Variants in DPF1 observed in about 807,000 individuals in gnomAD.
The protein encoded by DPF1 is zinc finger protein neuro-d4.
DPF1 carries 14 observed loss-of-function variants against 58.7 expected under a neutral mutation model. That is an observed-to-expected ratio of 0.24 (90% confidence interval 0.16 to 0.37). The LOEUF (loss-of-function observed/expected upper bound fraction) is 0.37, where lower values mean the gene tolerates loss of function less well. Among genes scored for constraint, DPF1 ranks in the 10% least tolerant of loss-of-function variants. The pLI, the probability that DPF1 is intolerant of heterozygous loss-of-function variation, is 1.00. For synonymous variants in DPF1, 216 were observed against 216.0 expected, an observed-to-expected ratio of 1.00 and a Z score of 0.00; for missense variants, 345 against 529.9, an observed-to-expected ratio of 0.65 and a Z score of 3.43.
rs915530260 is a variant in DPF1 at position 38,229,466 on chromosome 19, C to G, written c.-132+93G>C. On this transcript the variant is annotated intron_variant, in intron 1 of 11. Coordinates refer to the DPF1 transcript ENST00000412732. This position sits in a 1 kb window ranked among gnomAD's most constrained non-coding sequence, Gnocchi z 5.3. Reference sequence around the variant, plus strand: ...GGCCCCCATTCAACTACGGTCCGCGCGCTGCGTCCCCCTCCTCAGCCCCAG... The same window carrying G: ...GGCCCCCATTCAACTACGGTCCGCGGGCTGCGTCCCCCTCCTCAGCCCCAG... The G allele has an allele frequency of 1.5e-6, 1 of 669,826 alleles. No homozygotes were observed. Among genetic ancestry groups the G allele is most frequent in the Non-Finnish European group, 1.9e-6 (1 of 530,272 alleles). 41.5% of individuals were successfully genotyped at this position (669,826 alleles called of 1,614,324 possible).
chr19:38,227,663 A>T, upstream of DPF1, among the ~76,000 whole-genome samples: 1 of 152,220 alleles, frequency 6.6e-6, no homozygotes, highest in East Asian at 1.9e-4. Flanking sequence ...CTTTACAAAG[A>T]TGGCCTTAGC....
chr19:38,216,110 C>G, intron 9 of DPF1, 30 bp downstream of exon 9: 1 of 1,590,526 alleles, frequency 6.3e-7, no homozygotes, highest in Non-Finnish European at 8.6e-7. Context: ...CTGCACCCGG[C>G]CCCCAGAAAC....
In DPF1 at chr19:38,212,138, G is replaced by A. The variant is rs758789518; in HGVS notation, c.1094-5C>T. 12 of 1,607,374 alleles carry A rather than the reference G, an allele frequency of 7.5e-6. No individual in the cohort carries two copies. Among genetic ancestry groups the A allele is most frequent in the East Asian group, 4.5e-5 (2 of 44,654 alleles). On this transcript the variant is annotated splice_region_variant and splice_polypyrimidine_tract_variant and intron_variant, in intron 11 of 11. Coordinates refer to ENST00000355526, the MANE Select transcript of DPF1 (RefSeq NM_001135155.3). Reference sequence around the variant, plus strand: ...AGAGGTGACAGCTCCAGCTCCCTGCGGGGGCAGCCGAAGCTGAAGTCAGGC... The same window carrying A: ...AGAGGTGACAGCTCCAGCTCCCTGCAGGGGCAGCCGAAGCTGAAGTCAGGC...
chr19:38,226,314 A>C, upstream of DPF1, among the ~76,000 whole-genome samples: 1 of 99,040 alleles, frequency 1.0e-5, no homozygotes, highest in Non-Finnish European at 2.0e-5. Context: ...CCCCTCTTCC[A>C]CCCGGACCCC....
At chr19:38,226,756 C>A (rs537194020), upstream of DPF1, among the ~76,000 whole-genome samples, 1 of 151,830 alleles carries the variant, frequency 6.6e-6, no homozygotes, top group South Asian at 2.1e-4. Context: ...TGAGCTGTGA[C>A]CCCACCTTCC....
upstream of DPF1, among the ~76,000 whole-genome samples, chr19:38,227,190 C>T (rs1255069979): frequency 6.6e-6 from 1 of 151,742 alleles, no homozygotes; most frequent in African/African-American, 2.4e-5. Flanking sequence ...GCGATCCTCC[C>T]ACCTCAAACC....
In DPF1 at chr19:38,211,633, C is replaced by G. The variant is rs1255823103; in HGVS notation, c.*430G>C. 6.5e-6 allele frequency: 1 copy of G among 153,088 alleles called. No individual in the cohort carries two copies. Among genetic ancestry groups the G allele is most frequent in the Non-Finnish European group, 1.4e-5 (1 of 69,004 alleles). The allele number at this position is 153,088 out of a possible 1,614,324, so 9.5% of individuals were successfully genotyped here. ...GAGGCGGGTGCCCGGTGGACACTCTCAGCAGCGCCCCTCCACCCAGCCAGG... is the reference window on the plus strand; with the variant it reads ...GAGGCGGGTGCCCGGTGGACACTCTGAGCAGCGCCCCTCCACCCAGCCAGG... On this transcript the variant is annotated 3_prime_UTR_variant, in exon 12 of 12. Coordinates refer to ENST00000355526, the MANE Select transcript of DPF1 (RefSeq NM_001135155.3). The surrounding 1 kb of genome is among the most constrained non-coding windows in gnomAD (Gnocchi z 4.0).
chr19:38,216,972 T>C (rs1016854554), intron 7 of DPF1, among the ~76,000 whole-genome samples: 8 of 152,180 alleles, frequency 5.3e-5, no homozygotes, highest in Non-Finnish European at 8.8e-5. Flanking sequence ...GGGTGTGTAG[T>C]GGCCAGGGGT....
At chr19:38,226,854 C>T (rs1173523874), upstream of DPF1, among the ~76,000 whole-genome samples, 2 of 152,158 alleles carry the variant, frequency 1.3e-5, no homozygotes, top group African/African-American at 2.4e-5. Flanking sequence ...CGCAGACTCA[C>T]TCCTGCCCCA....
At chr19:38,213,520 T>G in intron 10 of DPF1, 124 bp downstream of exon 10, 1 of 791,538 alleles carries the variant, frequency 1.3e-6, no homozygotes, top group Non-Finnish European at 2.1e-6. Flanking sequence ...ACCGGCATAA[T>G]GATAACACAG....
intron 9 of DPF1, among the ~76,000 whole-genome samples, chr19:38,214,157 C>G (rs1048606401): frequency 1.3e-5 from 2 of 152,200 alleles, no homozygotes; most frequent in Non-Finnish European, 2.9e-5. Context: ...ACGTGGCAAC[C>G]ACACTCTCCC....
chr19:38,229,521 G>A lies in DPF1; in HGVS notation c.-132+38C>T. The A allele has an allele frequency of 2.7e-6, 3 of 1,127,824 alleles. No individual in the cohort carries two copies. Among genetic ancestry groups the A allele is most frequent in the Non-Finnish European group, 3.3e-6 (3 of 910,554 alleles). The allele number at this position is 1,127,824 out of a possible 1,614,324, so 69.9% of individuals were successfully genotyped here. On this transcript the variant is annotated intron_variant, in intron 1 of 11. Coordinates refer to the DPF1 transcript ENST00000412732. This position sits in a 1 kb window ranked among gnomAD's most constrained non-coding sequence, Gnocchi z 5.3. ...GGCGGGGGAAGGGCTCCTGGTGGGG[G>A]GGTCTGGACAGGGGGCGGGGACGGC...
intron 3 of DPF1, among the ~76,000 whole-genome samples, chr19:38,220,197 A>G (rs906472961): frequency 6.6e-6 from 1 of 150,554 alleles, no homozygotes; most frequent in African/African-American, 2.4e-5. Flanking sequence ...GAAGGAAGGA[A>G]GGAGGGAAAG....
rs1973459899 is a variant in DPF1 at position 38,211,993 on chromosome 19, G to T, written c.*70C>A. On this transcript the variant is annotated 3_prime_UTR_variant, in exon 12 of 12. Coordinates refer to ENST00000355526, the MANE Select transcript of DPF1 (RefSeq NM_001135155.3). This position sits in a 1 kb window ranked among gnomAD's most constrained non-coding sequence, Gnocchi z 4.0. ...TCCCCCTGCGGGATGTTCAGGGTGG[G>T]GGAGAATTGAGGAGCTCGGAGAGGC... The T allele has an allele frequency of 1.9e-6, 3 of 1,541,064 alleles. No homozygotes were observed. The highest frequency in any genetic ancestry group is 1.2e-5 in the South Asian group (1 of 85,314).
chr19:38,220,668 A>T (rs1967405626), intron 3 of DPF1, among the ~76,000 whole-genome samples: 1 of 152,156 alleles, frequency 6.6e-6, no homozygotes, highest in South Asian at 2.1e-4. Flanking sequence ...AGAAACAATT[A>T]GCCCTCCAGA....
chr19:38,213,729 A>G lies in DPF1; in HGVS notation c.926T>C (p.Val309Ala), dbSNP rs1462073835. The change falls in exon 10 of 12, where the codon GTG becomes GCG. Residue 309 changes from valine (V) to alanine (A), a missense_variant. By Grantham distance (64) the Val-to-Ala change is moderately conservative (BLOSUM62 0). Coordinates refer to ENST00000355526, the MANE Select transcript of DPF1 (RefSeq NM_001135155.3). The stretch of plus-strand genomic sequence containing the variant: ...GGTCCGCACGGCTGCCGTCATGTTC[A>G]CCGTGAATTGTAAACACGAGGGGTG... ...SGHPSCLQFTVNMTAAVRTYR... is the reference protein window; with the variant it reads ...SGHPSCLQFTANMTAAVRTYR... 1 of 1,613,462 alleles carries G rather than the reference A, an allele frequency of 6.2e-7. No individual in the cohort carries two copies. The highest frequency in any genetic ancestry group is 1.3e-5 in the African/African-American group (1 of 74,776).
chr19:38,221,042 C>T (rs900341802), intron 3 of DPF1, among the ~76,000 whole-genome samples: 75 of 152,250 alleles, frequency 4.9e-4, no homozygotes, highest in African/African-American at 1.2e-3. Context: ...ACGGCCGCAC[C>T]GCCTAACACA....
At chr19:38,212,964 A>G (rs1011671714) in intron 10 of DPF1, among the ~76,000 whole-genome samples, 2 of 148,804 alleles carry the variant, frequency 1.3e-5, no homozygotes, top group African/African-American at 5.0e-5. Flanking sequence ...TCTGCCAGAA[A>G]CGGTCATGGC....
At chr19:38,224,507 C>T (rs1338421914), upstream of DPF1, among the ~76,000 whole-genome samples, 1 of 152,128 alleles carries the variant, frequency 6.6e-6, no homozygotes, top group Non-Finnish European at 1.5e-5. The surrounding 1 kb of genome is among the most constrained non-coding windows in gnomAD (Gnocchi z 4.5). Flanking sequence ...ATACTCACAG[C>T]CTCCCACACA....
Sources: gnomAD v4.1 joint callset for allele counts (sites outside exome capture counted in the v4.1 genomes callset) on GRCh38, gnomAD v4.1.1 for gene constraint, Gnocchi (gnomAD v3.1) non-coding constraint, MANE v1.5 for transcripts, NCBI Gene and HGNC (gene_info 2026-07-23, HGNC 2026-07-21) for gene names.